KIF13A: variants seen among roughly 807,000 people sequenced by gnomAD.
The protein encoded by KIF13A is kinesin-like protein KIF13A.
KIF13A carries 79 observed loss-of-function variants against 212.2 expected under a neutral mutation model. That is an observed-to-expected ratio of 0.37 (90% confidence interval 0.31 to 0.45). The LOEUF (loss-of-function observed/expected upper bound fraction) is 0.45, where lower values mean the gene tolerates loss of function less well. Among genes scored for constraint, KIF13A ranks in the 20% least tolerant of loss-of-function variants. The pLI is 1.00. For synonymous variants in KIF13A, 789 were observed against 808.6 expected (o/e 0.98, Z 0.41); for missense variants, 1,901 against 2,209.0 (o/e 0.86, Z 2.79).
intron 4 of KIF13A, among the ~76,000 whole-genome samples, chr6:17,858,121 G>A (rs940859207): frequency 3.0e-5 from 4 of 134,492 alleles, no homozygotes; most frequent in Admixed American, 1.5e-4. Context: ...GTGCATGCAC[G>A]CATGTGTGTG....
Position 17,799,791 on chromosome 6 carries a change from T to A in KIF13A, c.2616+161A>T, listed in dbSNP as rs1762334417. On this transcript the variant is annotated intron_variant, in intron 21 of 38. Coordinates refer to ENST00000259711, the MANE Select transcript of KIF13A (RefSeq NM_022113.6). This position sits in a 1 kb window ranked among gnomAD's most constrained non-coding sequence, Gnocchi z 4.4. Reference sequence around the variant, plus strand: ...ATTTGATGCAACTGTCATAAGAAAGTGTGCTATATTTCTGAAAACAAAGTA... The same window carrying A: ...ATTTGATGCAACTGTCATAAGAAAGAGTGCTATATTTCTGAAAACAAAGTA... Among the ~76,000 whole-genome samples, 1 of 152,218 alleles carries A rather than the reference T, an allele frequency of 6.6e-6. No homozygotes were observed. The highest frequency in any genetic ancestry group is 1.5e-5 in the Non-Finnish European group (1 of 68,042).
At chr6:17,950,581 A>C (rs866714761) in intron 2 of KIF13A, 6 of 985,260 alleles carry the variant, frequency 6.1e-6, no homozygotes, top group Middle Eastern at 5.2e-4. Flanking sequence ...ACAGGATTTT[A>C]ACAAAAGCAT....
In KIF13A at chr6:17,828,199, A is replaced by G. The variant is rs1180961927; in HGVS notation, c.1532+41T>C. Reference sequence around the variant, plus strand: ...AGGCAGCCTTCTCCTTCTGAAAATAAGGCACACAAGACACGTGAAGTCACC... The same window carrying G: ...AGGCAGCCTTCTCCTTCTGAAAATAGGGCACACAAGACACGTGAAGTCACC... On this transcript the variant is annotated intron_variant, in intron 14 of 38. Coordinates refer to ENST00000259711, the MANE Select transcript of KIF13A (RefSeq NM_022113.6). This position sits in a 1 kb window ranked among gnomAD's most constrained non-coding sequence, Gnocchi z 4.3. 5.1e-6 allele frequency: 8 copies of G among 1,581,082 alleles called. No individual in the cohort carries two copies. The highest frequency in any genetic ancestry group is 3.6e-5 in the Admixed American group (2 of 55,916).
chr6:17,761,477 G>A (rs1459926386), downstream of KIF13A, among the ~76,000 whole-genome samples: 4 of 151,852 alleles, frequency 2.6e-5, no homozygotes, highest in African/African-American at 4.8e-5. Flanking sequence ...TTCACCTCCC[G>A]GGTTCCAGCG....
chr6:17,759,707 A>G (rs1162791334), downstream of KIF13A: 1 of 152,228 alleles, frequency 6.6e-6, no homozygotes, highest in Non-Finnish European at 1.5e-5. Flanking sequence ...TCCTGCAAAC[A>G]TGGTAAAGGG....
At chr6:17,938,187 G>A (rs980633341) in intron 2 of KIF13A, among the ~76,000 whole-genome samples, 13 of 152,210 alleles carry the variant, frequency 8.5e-5, no homozygotes, top group South Asian at 8.3e-4. Flanking sequence ...GAGCCACCAC[G>A]CCAGGCCTTT....
At chr6:17,925,504 T>C (rs963957736) in intron 2 of KIF13A, among the ~76,000 whole-genome samples, 2 of 152,226 alleles carry the variant, frequency 1.3e-5, no homozygotes, top group African/African-American at 4.8e-5. Flanking sequence ...TGTGAGATTA[T>C]TCACTGTCTT....
In KIF13A at chr6:17,772,467, C is replaced by A. The variant is rs1455829231; in HGVS notation, c.4325-408G>T. ...AACAAACAACAAACAAAAAAACCCCCAAAAAACCATGGAACAGATGTAGGC... is the reference window on the plus strand; with the variant it reads ...AACAAACAACAAACAAAAAAACCCCAAAAAAACCATGGAACAGATGTAGGC... On this transcript the variant is annotated intron_variant, in intron 36 of 38. Coordinates refer to ENST00000259711, the MANE Select transcript of KIF13A (RefSeq NM_022113.6). The surrounding 1 kb of genome is among the most constrained non-coding windows in gnomAD (Gnocchi z 4.8). Among the ~76,000 whole-genome samples, 3 of 152,060 alleles carry A rather than the reference C, an allele frequency of 2.0e-5. No homozygotes were observed. The highest frequency in any genetic ancestry group is 4.4e-5 in the Non-Finnish European group (3 of 68,014).
rs2876466 is a variant in KIF13A at position 17,951,725 on chromosome 6, C to T, written c.146+35329G>A. ...AATGGAATCATACAATACATGGTTCCTTATGACTGCTTATTTCACTTAATG... is the reference window on the plus strand; with the variant it reads ...AATGGAATCATACAATACATGGTTCTTTATGACTGCTTATTTCACTTAATG... On this transcript the variant is annotated intron_variant, in intron 2 of 38. Transcript: ENST00000259711. This position sits in a 1 kb window ranked among gnomAD's most constrained non-coding sequence, Gnocchi z 4.9. Among the ~76,000 whole-genome samples the T allele has an allele frequency of 0.82, 124,236 of 152,130 alleles. 51,430 individuals are homozygous for T. Among genetic ancestry groups the T allele is most frequent in the African/African-American group, 0.95 (39,398 of 41,554 alleles).
At chr6:17,922,627 AAG>A (rs1775178001) in intron 2 of KIF13A, among the ~76,000 whole-genome samples, 1 of 151,916 alleles carries the variant, frequency 6.6e-6, no homozygotes, top group African/African-American at 2.4e-5. Context: ...AAAAAAAAGA[AAG>A]AAATGATAAC....
intron 29 of KIF13A, among the ~76,000 whole-genome samples, 157 bp from the exon 30 acceptor site, chr6:17,781,458 C>A (rs1256851147): frequency 6.6e-6 from 1 of 151,866 alleles, no homozygotes; most frequent in South Asian, 2.1e-4. Context: ...ATAGAGACTC[C>A]AAGACTCACA....
At chr6:17,952,857 G>A (rs1376169631) in intron 2 of KIF13A, among the ~76,000 whole-genome samples, 3 of 151,774 alleles carry the variant, frequency 2.0e-5, no homozygotes, top group African/African-American at 7.3e-5. Flanking sequence ...GCGAACCCGG[G>A]AGGCAGAGCT....
rs779786287 is a variant in KIF13A at position 17,898,146 on chromosome 6, C to T, written c.159+22G>A. On this transcript the variant is annotated intron_variant, in intron 3 of 38. Transcript: ENST00000259711. This position sits in a 1 kb window ranked among gnomAD's most constrained non-coding sequence, Gnocchi z 5.2. ...TTGCACACTAAGCCAGTATACATGCCAAATTTCATATTAGTGCTTACCTTG... is the reference window on the plus strand; with the variant it reads ...TTGCACACTAAGCCAGTATACATGCTAAATTTCATATTAGTGCTTACCTTG... 22 of 1,611,128 alleles carry T rather than the reference C, an allele frequency of 1.4e-5. No homozygotes were observed. In the East Asian group the frequency reaches 4.5e-4, roughly 33 times the overall value.
rs112541348 is a variant in KIF13A, at chr6:17,822,286, G to A, written c.1786+3482C>T. ...TCGAACTCCTGACCTCAAGTGATCC[G>A]TCCACCTCAGCCTCCCAAAGTGCTG... On this transcript the variant is annotated intron_variant, in intron 16 of 38. Coordinates refer to ENST00000259711, the MANE Select transcript of KIF13A (RefSeq NM_022113.6). Among the ~76,000 whole-genome samples, 1,061 of 151,986 alleles carry A rather than the reference G, an allele frequency of 7.0e-3. 15 individuals are homozygous for A. The highest frequency in any genetic ancestry group is 0.024 in the African/African-American group (992 of 41,466).
chr6:17,787,847 C>G lies in KIF13A; in HGVS notation c.3290G>C (p.Arg1097Thr), dbSNP rs1761189899. ...TCGTTTAATGAGTGCATCTGACCACCTCTCCCTTACGCAGTTTAAGTCTTC... is the reference window on the plus strand; with the variant it reads ...TCGTTTAATGAGTGCATCTGACCACGTCTCCCTTACGCAGTTTAAGTCTTC... ...QEEDLNCVRE[R>T]WSDALIKRRE... Residue 1097 changes from arginine to threonine, a missense_variant, in exon 27 of 39, where the codon AGG becomes ACG. By Grantham distance (71) the Arg-to-Thr change is moderately conservative (BLOSUM62 -1). This residue lies in a region of KIF13A where 168 missense variants were observed against 250.9 expected (regional missense o/e 0.67). Transcript: ENST00000259711. The surrounding 1 kb of genome is among the most constrained non-coding windows in gnomAD (Gnocchi z 4.6). The G allele has an allele frequency of 6.2e-7, 1 of 1,612,286 alleles. No individual in the cohort carries two copies. Among genetic ancestry groups the G allele is most frequent in the South Asian group, 1.1e-5 (1 of 91,052 alleles).
At chr6:17,906,896 A>T (rs1482329669) in intron 2 of KIF13A, among the ~76,000 whole-genome samples, 3 of 152,164 alleles carry the variant, frequency 2.0e-5, no homozygotes, top group African/African-American at 7.2e-5. Flanking sequence ...GGCAGAGGTA[A>T]GACACTCATG....
At position 17,968,436 on chromosome 6, in the gene KIF13A, G is replaced by C. The variant is rs952830258; in HGVS notation, c.146+18618C>G. On this transcript the variant is annotated intron_variant, in intron 2 of 38. Coordinates refer to ENST00000259711, the MANE Select transcript of KIF13A (RefSeq NM_022113.6). This position sits in a 1 kb window ranked among gnomAD's most constrained non-coding sequence, Gnocchi z 4.7. The stretch of plus-strand genomic sequence containing the variant: ...CTCACAAGAATGCCCAACTACATCA[G>C]GTTGGTGTAGGGTCCATTCATCCAG... Among the ~76,000 whole-genome samples, 10 of 152,192 alleles carry C rather than the reference G, an allele frequency of 6.6e-5. No individual in the cohort carries two copies. Among genetic ancestry groups the C allele is most frequent in the African/African-American group, 2.4e-4 (10 of 41,436 alleles).
chr6:17,787,017 G>A lies in KIF13A; in HGVS notation c.3361+759C>T, dbSNP rs926196830. On this transcript the variant is annotated intron_variant, in intron 27 of 38. Transcript: ENST00000259711. This position sits in a 1 kb window ranked among gnomAD's most constrained non-coding sequence, Gnocchi z 4.6. ...ATAAGCAAACTGCACCCTTGGAGCT[G>A]AGTGGCAGTGAATAGAGTTGTAGGG... 1.3e-5 allele frequency among the ~76,000 whole-genome samples: 2 copies of A among 152,200 alleles called. No homozygotes were observed. Among genetic ancestry groups the A allele is most frequent in the African/African-American group, 2.4e-5 (1 of 41,440 alleles).
At position 17,951,063 on chromosome 6, in the gene KIF13A, C is replaced by T. The variant is rs1777800961; in HGVS notation, c.146+35991G>A. The T allele has an allele frequency of 9.4e-7, 1 of 1,060,524 alleles. No individual in the cohort carries two copies. The highest frequency in any genetic ancestry group is 1.7e-5 in the African/African-American group (1 of 60,092). The allele number at this position is 1,060,524 out of a possible 1,614,324, so 65.7% of individuals were successfully genotyped here. ...CCCACTTTAGTAGTACACCTAAGGA[C>T]ACCTAAGGAATTGTACTTATTATAT... On this transcript the variant is annotated intron_variant, in intron 2 of 38. Coordinates refer to ENST00000259711, the MANE Select transcript of KIF13A (RefSeq NM_022113.6). The surrounding 1 kb of genome is among the most constrained non-coding windows in gnomAD (Gnocchi z 4.9).
Sources: gnomAD v4.1 joint callset for allele counts (sites outside exome capture counted in the v4.1 genomes callset) on GRCh38, gnomAD v4.1.1 for gene constraint, gnomAD v4.1.1 regional missense constraint, Gnocchi (gnomAD v3.1) non-coding constraint, MANE v1.5 for transcripts, NCBI Gene and HGNC (gene_info 2026-07-23, HGNC 2026-07-21) for gene names.